The following ARHGAP24 variants were observed in gnomAD, a reference collection of about 807,000 sequenced individuals.
The protein encoded by ARHGAP24 is rho GTPase-activating protein 24.
Under a neutral mutation model 76.4 loss-of-function variants are expected in ARHGAP24, and 50 were observed. The ratio of observed to expected loss-of-function variants is 0.65; its 90% CI spans 0.52 to 0.83. The LOEUF (loss-of-function observed/expected upper bound fraction) is 0.83, where lower values mean the gene tolerates loss of function less well. Among genes scored for constraint, ARHGAP24 ranks in the 40% least tolerant of loss-of-function variants. ARHGAP24 has a pLI of 0.00. For missense variants in ARHGAP24, 930 were observed against 914.2 expected, an observed-to-expected ratio of 1.02 and a Z score of -0.22; for synonymous variants, 345 against 323.3, an observed-to-expected ratio of 1.07 and a Z score of -0.72.
At chr4:85,617,229 T>C (rs1054442869) in intron 2 of ARHGAP24, among the ~76,000 whole-genome samples, 2 of 148,606 alleles carry the variant, frequency 1.3e-5, no homozygotes, top group African/African-American at 4.9e-5. Context: ...TATATCTATA[T>C]ATTTGTATTT....
At chr4:85,482,338 A>G (rs996768417) in intron 1 of ARHGAP24, among the ~76,000 whole-genome samples, 1 of 152,192 alleles carries the variant, frequency 6.6e-6, no homozygotes, top group East Asian at 1.9e-4. Context: ...TGTTGATTGG[A>G]GACTTCATTT....
intron 2 of ARHGAP24, among the ~76,000 whole-genome samples, chr4:85,590,472 G>T (rs1448850097): frequency 6.6e-6 from 1 of 151,972 alleles, no homozygotes; most frequent in Non-Finnish European, 1.5e-5. Context: ...CGATTCTCCT[G>T]CTCCAGCATC....
At chr4:85,834,996 T>C (rs557853102) in intron 3 of ARHGAP24, among the ~76,000 whole-genome samples, 54 of 152,200 alleles carry the variant, frequency 3.5e-4, no homozygotes, top group Non-Finnish European at 4.0e-4. Flanking sequence ...CTTCACTCCT[T>C]GGCTTTCATG....
At chr4:85,852,983 T>A (rs1056306007) in intron 3 of ARHGAP24, among the ~76,000 whole-genome samples, 1 of 152,204 alleles carries the variant, frequency 6.6e-6, no homozygotes, top group Admixed American at 6.5e-5. Context: ...AACACCGTGC[T>A]GGGAGAACCA....
intron 5 of ARHGAP24, among the ~76,000 whole-genome samples, chr4:85,970,704 C>T (rs941736261): frequency 6.6e-6 from 1 of 152,148 alleles, no homozygotes; most frequent in African/African-American, 2.4e-5. Context: ...TGCCTCCCAA[C>T]TTCTCAGAGC....
chr4:85,972,517 G>C (rs1739047135), intron 6 of ARHGAP24: 2 of 288,182 alleles, frequency 6.9e-6, no homozygotes, highest in Non-Finnish European at 1.3e-5. Context: ...ACTTCAAATA[G>C]TGGCTTCTAT....
At chr4:85,558,316 T>A (rs941604670) in intron 1 of ARHGAP24, among the ~76,000 whole-genome samples, 8 of 152,238 alleles carry the variant, frequency 5.3e-5, no homozygotes, top group African/African-American at 1.7e-4. Flanking sequence ...TTTAAAAAAT[T>A]ATGTTTTATG....
chr4:85,702,487 TAA>T (rs1331811581), intron 2 of ARHGAP24, among the ~76,000 whole-genome samples: 2 of 152,212 alleles, frequency 1.3e-5, no homozygotes, highest in East Asian at 3.8e-4. Flanking sequence ...ATTTATTTCT[TAA>T]AAGTGTTTTT....
intron 2 of ARHGAP24, among the ~76,000 whole-genome samples, chr4:85,626,237 C>T (rs576988822): frequency 6.6e-6 from 1 of 152,280 alleles, no homozygotes. Flanking sequence ...TTTAGTGCTT[C>T]CTTCAGGAGC....
At chr4:85,723,699 C>T (rs146511965) in intron 3 of ARHGAP24, 32 of 152,212 alleles carry the variant, frequency 2.1e-4, no homozygotes, top group African/African-American at 7.5e-4. Flanking sequence ...AATCATCTTA[C>T]GGAGTGTGAA....
intron 2 of ARHGAP24, among the ~76,000 whole-genome samples, chr4:85,627,906 GT>G (rs1292730292): frequency 6.6e-6 from 1 of 152,126 alleles, no homozygotes; most frequent in Non-Finnish European, 1.5e-5. Context: ...CTGGTGTGCC[GT>G]TTTTTAAGCC....
intron 1 of ARHGAP24, 82 bp downstream of exon 1, chr4:85,475,641 G>A (rs1314588493): frequency 6.8e-5 from 2 of 29,450 alleles, no homozygotes; most frequent in Non-Finnish European, 1.7e-4. Flanking sequence ...GGAGGGGGCT[G>A]CGGGGGGCGG....
At chr4:85,516,219 T>C (rs1399685815) in intron 1 of ARHGAP24, among the ~76,000 whole-genome samples, 6 of 152,194 alleles carry the variant, frequency 3.9e-5, no homozygotes, top group Non-Finnish European at 5.9e-5. Flanking sequence ...AGGTCTCTTA[T>C]CCAGATCTGG....
rs1453885428 is a variant in ARHGAP24, at chr4:85,894,968, AAAAAAAAAAAAAAAAAAAAACAAAAC to A, written c.269-28674_269-28649del. On this transcript the variant is annotated intron_variant, in intron 3 of 9. Transcript: ENST00000395184. ...AGAATGAGACTCCCTCTCAAAAAAA[AAAAAAAAAAAAAAAAAAAAACAAAAC>A]AAAAAGCAAAAAAAAAAAAAAAAAA... Among the ~76,000 whole-genome samples the A allele has an allele frequency of 2.1e-3, 83 of 40,426 alleles. 3 individuals carry two copies. Among genetic ancestry groups the A allele is most frequent in the East Asian group, 0.014 (32 of 2,274 alleles). The allele number at this position is 40,426 out of a possible 152,430, so 26.5% of individuals were successfully genotyped here. A position where few individuals can be genotyped will look rare whatever the true frequency, so the allele number is the denominator to read the frequency against.
intron 2 of ARHGAP24, among the ~76,000 whole-genome samples, chr4:85,636,984 C>A (rs1431019768): frequency 2.2e-4 from 33 of 151,988 alleles, no homozygotes; most frequent in Non-Finnish European, 1.2e-4. Context: ...CTTAGAATGT[C>A]CCCCAAAGTG....
chr4:85,645,228 A>G (rs2109974655), intron 2 of ARHGAP24, among the ~76,000 whole-genome samples: 1 of 152,312 alleles, frequency 6.6e-6, no homozygotes, highest in Admixed American at 6.5e-5. Flanking sequence ...AAATTTCCAT[A>G]TAACAAAGTT....
chr4:85,875,653 T>C lies in ARHGAP24; in HGVS notation c.269-47995T>C, dbSNP rs1412343753. On this transcript the variant is annotated intron_variant, in intron 3 of 9. Coordinates refer to ENST00000395184, the MANE Select transcript of ARHGAP24 (RefSeq NM_001025616.3). Reference sequence around the variant, plus strand: ...ATAATATAAATATATATTTATATTATATATAATATAACATAAAATTTATAT... The same window carrying C: ...ATAATATAAATATATATTTATATTACATATAATATAACATAAAATTTATAT... Among the ~76,000 whole-genome samples the C allele has an allele frequency of 1.8e-3, 235 of 127,612 alleles. 1 individual carries two copies. Among genetic ancestry groups the C allele is most frequent in the African/African-American group, 6.7e-3 (227 of 33,740 alleles). The allele number at this position is 127,612 out of a possible 152,430, so 83.7% of individuals were successfully genotyped here. A position where few individuals can be genotyped will look rare whatever the true frequency, so the allele number is the denominator to read the frequency against.
At chr4:85,581,082 C>G (rs565176882) in intron 2 of ARHGAP24, among the ~76,000 whole-genome samples, 1 of 152,128 alleles carries the variant, frequency 6.6e-6, no homozygotes, top group African/African-American at 2.4e-5. Flanking sequence ...TGTAAAAATC[C>G]TTCCTGTTTC....
At chr4:85,838,248 C>T (rs1730398700) in intron 3 of ARHGAP24, among the ~76,000 whole-genome samples, 1 of 152,176 alleles carries the variant, frequency 6.6e-6, no homozygotes, top group African/African-American at 2.4e-5. Context: ...GTGAGCATGA[C>T]TACTGTGGAT....
Sources: allele counts gnomAD v4.1 joint callset (sites outside exome capture counted in the v4.1 genomes callset), GRCh38; gene constraint gnomAD v4.1.1; transcripts MANE v1.5; gene names NCBI Gene and HGNC (gene_info 2026-07-23, HGNC 2026-07-21).